The following OPHN1 variants were observed in gnomAD, a reference collection of about 807,000 sequenced individuals.
The protein encoded by OPHN1 is oligophrenin 1, also known as oligophrenin-1.
A neutral mutation model predicts 60.7 loss-of-function variants in OPHN1; 11 were observed. The observed-to-expected ratio is 0.18, with a 90% CI of 0.11 to 0.30. The LOEUF (loss-of-function observed/expected upper bound fraction) is 0.30, where lower values mean the gene tolerates loss of function less well. OPHN1 is among the 10% of genes least tolerant of loss of function. The pLI is 1.00. For synonymous variants in OPHN1, 226 were observed against 222.6 expected (o/e 1.02, Z -0.14); for missense variants, 449 against 611.0 (o/e 0.73, Z 2.80).
rs746802846 is a variant in OPHN1, at chrX:68,096,933, G to A, written c.1623C>T (p.Ala541=). ...TCTGGAATTTGATGTTCATCATGGC[G>A]GCCACAGTGTCCTCCTGAGCTCTCA... ...TLMRAQEDTV[A]AMMNIKFQNI... The change falls in exon 19 of 25, where the codon GCC becomes GCT. Residue 541 remains alanine (A), a synonymous_variant. Transcript: ENST00000355520. The A allele has an allele frequency of 6.6e-6, 8 of 1,210,442 alleles. No homozygotes were observed. Among genetic ancestry groups the A allele is most frequent in the South Asian group, 5.3e-5 (3 of 56,896 alleles).
rs761753695 is a variant in OPHN1 at position 68,255,724 on chromosome X, TAC to T, written c.384+19012_384+19013del. Among the ~76,000 whole-genome samples the T allele has an allele frequency of 1.6e-3, 168 of 106,497 alleles. 1 individual carries two copies. The highest frequency in any genetic ancestry group is 5.4e-3 in the African/African-American group (158 of 29,098). The allele number at this position is 106,497 out of a possible 115,157, so 92.5% of individuals were successfully genotyped here. ...TCCTTAAACTAAACCCCGCTCTACATACACACACACACACAAACACACACACA... is the reference window on the plus strand; with the variant it reads ...TCCTTAAACTAAACCCCGCTCTACATACACACACACACAAACACACACACA... On this transcript the variant is annotated intron_variant, in intron 5 of 24. Coordinates refer to ENST00000355520, the MANE Select transcript of OPHN1 (RefSeq NM_002547.3).
At chrX:68,174,523 G>A (rs2077405829) in intron 15 of OPHN1, among the ~76,000 whole-genome samples, 1 of 94,579 alleles carries the variant, frequency 1.1e-5, no homozygotes, top group African/African-American at 4.0e-5. Context: ...CCAGGCTGGA[G>A]TGCAGTGGTG....
At chrX:68,348,117 C>A (rs914157662) in intron 2 of OPHN1, among the ~76,000 whole-genome samples, 5 of 111,783 alleles carry the variant, frequency 4.5e-5, no homozygotes, top group African/African-American at 1.6e-4. Context: ...CTGAAAATGA[C>A]AAGGGAGGAC....
intron 2 of OPHN1, among the ~76,000 whole-genome samples, chrX:68,416,055 TATATATATATATAGAGAGAGAGAG>T (rs1256728433): frequency 0.012 from 105 of 8,779 alleles, 1 homozygote; most frequent in African/African-American, 0.014. Flanking sequence ...TATATATATA[TATATATATATATAGAGAGAGAGAG>T]AGAGAGAGAG....
chrX:68,383,355 G>A (rs1479010833), intron 2 of OPHN1, among the ~76,000 whole-genome samples: 1 of 109,709 alleles, frequency 9.1e-6, no homozygotes, highest in Non-Finnish European at 1.9e-5. Context: ...ACTTTAGGAG[G>A]CCAAGGTGGG....
intron 2 of OPHN1, among the ~76,000 whole-genome samples, chrX:68,327,942 G>A (rs1449447937): frequency 3.0e-5 from 3 of 101,498 alleles, no homozygotes; most frequent in African/African-American, 1.1e-4. Flanking sequence ...CCATTCTCCT[G>A]CCTCAGCCTC....
intron 5 of OPHN1, among the ~76,000 whole-genome samples, chrX:68,272,837 G>A (rs1200555368): frequency 6.2e-5 from 7 of 112,397 alleles, no homozygotes; most frequent in Non-Finnish European, 1.3e-4. Flanking sequence ...TACTTTCCTA[G>A]TGTTATTCTT....
intron 6 of OPHN1, among the ~76,000 whole-genome samples, chrX:68,217,423 C>A (rs1426296678): frequency 8.9e-6 from 1 of 112,071 alleles, no homozygotes; most frequent in African/African-American, 3.2e-5. Flanking sequence ...GGGTGGAGCC[C>A]ACCACAGCTC....
intron 20 of OPHN1, chrX:68,071,345 G>A: frequency 1.4e-6 from 1 of 736,617 alleles, no homozygotes; most frequent in Non-Finnish European, 2.2e-6. Context: ...ATTTTGGCGG[G>A]CTCACTTTAA....
intron 2 of OPHN1, among the ~76,000 whole-genome samples, chrX:68,399,000 GTAATAA>G (rs2147764531): frequency 9.8e-6 from 1 of 101,619 alleles, no homozygotes; most frequent in East Asian, 3.0e-4. Context: ...TGTGTGTATA[GTAATAA>G]TATGCCAAAC....
intron 15 of OPHN1, among the ~76,000 whole-genome samples, chrX:68,173,222 C>G (rs764619586): frequency 1.8e-5 from 2 of 111,482 alleles, no homozygotes; most frequent in Non-Finnish European, 3.8e-5. Flanking sequence ...ATTTCCTCTA[C>G]AGTATTTCCA....
At position 68,194,444 on chromosome X, in the gene OPHN1, C is replaced by T. The variant is rs150778414; in HGVS notation, c.1138+21G>A. 1,013 of 1,192,470 alleles carry T rather than the reference C, an allele frequency of 8.5e-4. 9 individuals are homozygous for T. In the African/African-American group the frequency reaches 0.016, roughly 19 times the overall value. ...GCTGGCAGTTTATAATGCTAGTAGACCAAAAACTTAAGTGACTCACTTTCT... is the reference window on the plus strand; with the variant it reads ...GCTGGCAGTTTATAATGCTAGTAGATCAAAAACTTAAGTGACTCACTTTCT... On this transcript the variant is annotated intron_variant, in intron 13 of 24. Coordinates refer to ENST00000355520, the MANE Select transcript of OPHN1 (RefSeq NM_002547.3).
intron 2 of OPHN1, among the ~76,000 whole-genome samples, chrX:68,385,063 T>C (rs1420522371): frequency 9.0e-6 from 1 of 111,289 alleles, no homozygotes; most frequent in Non-Finnish European, 1.9e-5. Flanking sequence ...TGAAATAATT[T>C]TTTTAAAAAA....
At chrX:68,369,876 C>A (rs1398782645) in intron 2 of OPHN1, among the ~76,000 whole-genome samples, 4 of 106,737 alleles carry the variant, frequency 3.7e-5, no homozygotes, top group Non-Finnish European at 7.7e-5. Context: ...AACAAATTGT[C>A]AAAAGACAGA....
intron 5 of OPHN1, among the ~76,000 whole-genome samples, chrX:68,236,987 T>C (rs1684732447): frequency 8.9e-6 from 1 of 112,331 alleles, no homozygotes; most frequent in South Asian, 3.7e-4. Context: ...TAGTAAGTTT[T>C]CTTTTGTTTT....
intron 6 of OPHN1, among the ~76,000 whole-genome samples, chrX:68,218,640 A>G (rs1388386963): frequency 9.2e-6 from 1 of 108,581 alleles, no homozygotes; most frequent in African/African-American, 3.4e-5. Flanking sequence ...TTCTTAAAGA[A>G]AAGAATTCTC....
chrX:68,339,451 T>C (rs1400279759), intron 2 of OPHN1, among the ~76,000 whole-genome samples: 1 of 111,059 alleles, frequency 9.0e-6, no homozygotes, highest in African/African-American at 3.3e-5. Flanking sequence ...AACATGCAGA[T>C]TGGAAAGGAA....
intron 3 of OPHN1, among the ~76,000 whole-genome samples, chrX:68,289,533 C>T (rs1293431596): frequency 8.9e-6 from 1 of 111,814 alleles, no homozygotes; most frequent in African/African-American, 3.3e-5. Flanking sequence ...ATTGTAAATT[C>T]GTATCTGGGA....
At chrX:68,158,332 T>C (rs548414617) in intron 15 of OPHN1, among the ~76,000 whole-genome samples, 1 of 111,934 alleles carries the variant, frequency 8.9e-6, no homozygotes, top group South Asian at 3.7e-4. Context: ...ACAAACAAAA[T>C]ATAAGCAACT....
Sources: gnomAD v4.1 joint callset for allele counts (sites outside exome capture counted in the v4.1 genomes callset) on GRCh38, gnomAD v4.1.1 for gene constraint, MANE v1.5 for transcripts, NCBI Gene and HGNC (gene_info 2026-07-23, HGNC 2026-07-21) for gene names.